Variants in TATDN1 observed in about 807,000 individuals in gnomAD.
TATDN1 encodes the protein TatD DNase domain containing 1.
In TATDN1, 40 loss-of-function variants were observed where a neutral mutation model predicts 46.4. The observed-to-expected ratio is 0.86, with a 90% CI of 0.67 to 1.12. TATDN1 has a LOEUF of 1.12. Ranked by LOEUF, TATDN1 falls within the 50% of genes most tolerant of loss-of-function variation. The pLI is 0.00. For missense variants in TATDN1, 326 were observed against 348.4 expected (o/e 0.94, Z 0.51); for synonymous variants, 95 against 105.6 (o/e 0.90, Z 0.62).
intron 6 of TATDN1, among the ~76,000 whole-genome samples, chr8:124,509,984 T>C (rs555292541): frequency 2.0e-5 from 3 of 151,000 alleles, no homozygotes; most frequent in African/African-American, 4.9e-5. Context: ...TGAGCTGAGA[T>C]TGTACCACTG....
At chr8:124,508,148 A>C (rs538815673) in intron 8 of TATDN1, among the ~76,000 whole-genome samples, 1 of 152,364 alleles carries the variant, frequency 6.6e-6, no homozygotes, top group South Asian at 2.1e-4. Context: ...TGGGACCAAA[A>C]GTGTTTCATA....
intron 3 of TATDN1, chr8:124,521,496 A>AGGGG (rs1820043042): frequency 6.6e-6 from 1 of 152,222 alleles, no homozygotes; most frequent in Non-Finnish European, 1.5e-5. Flanking sequence ...AATAACAAAT[A>AGGGG]AAAGTTTAGA....
At position 124,516,170 on chromosome 8, in the gene TATDN1, T is replaced by C. The variant is rs1819455390; in HGVS notation, c.203-140A>G. On this transcript the variant is annotated intron_variant, in intron 4 of 11. Transcript: ENST00000276692. Reference sequence around the variant, plus strand: ...ATTACTCAAATTATAAGAACTGCATTATGTTAATCATATGACAATTTTTAG... The same window carrying C: ...ATTACTCAAATTATAAGAACTGCATCATGTTAATCATATGACAATTTTTAG... 15 of 644,204 alleles carry C rather than the reference T, an allele frequency of 2.3e-5. No individual in the cohort carries two copies. The South Asian group carries it at 5.4e-4, about 23-fold the overall frequency. The allele number at this position is 644,204 out of a possible 1,614,324, so 39.9% of individuals were successfully genotyped here.
chr8:124,534,331 A>G (rs1821248783), intron 1 of TATDN1, among the ~76,000 whole-genome samples: 1 of 152,304 alleles, frequency 6.6e-6, no homozygotes, highest in South Asian at 2.1e-4. Flanking sequence ...TAAGAACTTC[A>G]AGTTTCAGTG....
intron 1 of TATDN1, among the ~76,000 whole-genome samples, chr8:124,534,811 C>T (rs1376156892): frequency 6.6e-6 from 1 of 152,220 alleles, no homozygotes. Context: ...TTACCCACAA[C>T]TTGTCTAACT....
intron 1 of TATDN1, among the ~76,000 whole-genome samples, chr8:124,529,021 G>A (rs1820736283): frequency 6.6e-6 from 1 of 152,156 alleles, no homozygotes; most frequent in African/African-American, 2.4e-5. Context: ...CCTAGATAAC[G>A]GACACCTGGG....
chr8:124,501,321 A>C (rs563701873), intron 9 of TATDN1, among the ~76,000 whole-genome samples: 2 of 152,320 alleles, frequency 1.3e-5, no homozygotes, highest in African/African-American at 2.4e-5. Flanking sequence ...AGATCTCTAC[A>C]AACTGACATT....
At chr8:124,493,805 T>C (rs1171357159) in intron 11 of TATDN1, 28 bp downstream of exon 11, 15 of 1,574,978 alleles carry the variant, frequency 9.5e-6, no homozygotes, top group Non-Finnish European at 1.3e-5. Flanking sequence ...ACTAATGATT[T>C]TGAAGACCAT....
chr8:124,495,168 T>G, intron 10 of TATDN1: 2 of 358,670 alleles, frequency 5.6e-6, no homozygotes, highest in Non-Finnish European at 1.0e-5. Context: ...CTTGGAAGTG[T>G]GATGTGCTTA....
At chr8:124,494,814 C>T (rs1817328023) in intron 10 of TATDN1, 1 of 152,338 alleles carries the variant, frequency 6.6e-6, no homozygotes, top group African/African-American at 2.4e-5. Flanking sequence ...CCTCTGCCTC[C>T]TGGGTTCAAG....
At chr8:124,527,990 T>G (rs572228263) in intron 1 of TATDN1, among the ~76,000 whole-genome samples, 1 of 152,258 alleles carries the variant, frequency 6.6e-6, no homozygotes, top group South Asian at 2.1e-4. Flanking sequence ...CTTCTTGCAG[T>G]CCTATTATAA....
Position 124,488,521 on chromosome 8 carries a change from CTTTA to C in TATDN1, c.*69_*72del. 1.3e-6 allele frequency: 1 copy of C among 758,674 alleles called. No homozygotes were observed. The highest frequency in any genetic ancestry group is 2.2e-6 in the Non-Finnish European group (1 of 449,260). The allele number at this position is 758,674 out of a possible 1,614,324, so 47.0% of individuals were successfully genotyped here. ...TCTTTAGACAACTTGCAGATAATTT[CTTTA>C]TTGAAACTATCAGGAAGTTTTACTA... On this transcript the variant is annotated 3_prime_UTR_variant, in exon 12 of 12. Coordinates refer to ENST00000276692, the MANE Select transcript of TATDN1 (RefSeq NM_032026.4).
intron 6 of TATDN1, among the ~76,000 whole-genome samples, chr8:124,515,069 C>T (rs184183282): frequency 3.3e-5 from 5 of 152,252 alleles, no homozygotes; most frequent in South Asian, 2.1e-4. Flanking sequence ...CGACTACAGA[C>T]GCAGGCTGCT....
intron 1 of TATDN1, among the ~76,000 whole-genome samples, chr8:124,537,383 GTC>G (rs1191637109): frequency 6.6e-6 from 1 of 152,198 alleles, no homozygotes; most frequent in East Asian, 1.9e-4. Flanking sequence ...CTAAAACCTT[GTC>G]AGAGGTAACA....
intron 1 of TATDN1, among the ~76,000 whole-genome samples, chr8:124,532,441 G>A (rs998296295): frequency 4.6e-5 from 7 of 152,106 alleles, no homozygotes; most frequent in South Asian, 2.1e-4. Context: ...ATGCCACCAC[G>A]TCTGGCTAAT....
intron 1 of TATDN1, among the ~76,000 whole-genome samples, chr8:124,536,236 GA>G (rs1236666410): frequency 6.6e-6 from 1 of 152,174 alleles, no homozygotes; most frequent in East Asian, 1.9e-4. Flanking sequence ...TGTGGAGACA[GA>G]AAAGAGAGTA....
chr8:124,508,472 A>C lies in TATDN1; in HGVS notation c.516+2T>G, dbSNP rs1450891960. The C allele has an allele frequency of 6.2e-7, 1 of 1,612,072 alleles. No individual in the cohort carries two copies. On this transcript the variant is annotated splice_donor_variant, in intron 8 of 11. Transcript: ENST00000276692. LOFTEE classifies it high-confidence loss of function. The stretch of plus-strand genomic sequence containing the variant: ...TATTAAAAATGACTATTTTATACTT[A>C]CCACTCCCCCTACACACCGATCTCT...
chr8:124,497,460 A>G (rs1817574804), intron 9 of TATDN1, among the ~76,000 whole-genome samples: 2 of 151,572 alleles, frequency 1.3e-5, no homozygotes, highest in African/African-American at 4.8e-5. Context: ...TCATTTTTGT[A>G]TTTTTAGTAG....
At chr8:124,519,872 G>A (rs1421800125) in intron 3 of TATDN1, among the ~76,000 whole-genome samples, 1 of 152,168 alleles carries the variant, frequency 6.6e-6, no homozygotes, top group Non-Finnish European at 1.5e-5. Flanking sequence ...TGTTGATAGT[G>A]AGAGCACTGA....
Sources: allele counts gnomAD v4.1 joint callset (sites outside exome capture counted in the v4.1 genomes callset), GRCh38; gene constraint gnomAD v4.1.1; transcripts MANE v1.5; gene names NCBI Gene and HGNC (gene_info 2026-07-23, HGNC 2026-07-21).